COG2: variants seen among roughly 807,000 people sequenced by gnomAD.
The protein encoded by COG2 is conserved oligomeric Golgi complex subunit 2.
Under a neutral mutation model 90.6 loss-of-function variants are expected in COG2, and 52 were observed. The ratio of observed to expected loss-of-function variants is 0.57; its 90% CI spans 0.46 to 0.72. COG2 has a LOEUF of 0.72. COG2 is among the 30% of genes least tolerant of loss of function. The pLI is 0.00. For synonymous variants in COG2, 337 were observed against 320.4 expected, an observed-to-expected ratio of 1.05 and a Z score of -0.55; for missense variants, 829 against 891.2, an observed-to-expected ratio of 0.93 and a Z score of 0.89.
chr1:230,693,310 C>T lies in COG2; in HGVS notation c.2134C>T (p.Gln712Ter). ...TTTGCAGATACAAAAGTTGGGACTA[C>T]AAGCAAGTGACATAAAAAGCTTCTC... is the stretch of plus-strand genomic sequence containing the variant. ...LGEQIQKLGLQASDIKSFSAL... is the reference protein window; with the variant it reads ...LGEQIQKLGL Residue 712 changes from glutamine to a stop codon, truncating the protein, a stop_gained, in exon 18 of 18, where the codon CAA (glutamine) becomes TAA (stop). Coordinates refer to ENST00000366669, the MANE Select transcript of COG2 (RefSeq NM_007357.3). LOFTEE classifies it high-confidence loss of function. 6.2e-7 allele frequency: 1 copy of T among 1,612,876 alleles called. No homozygotes were observed. Among genetic ancestry groups the T allele is most frequent in the Non-Finnish European group, 8.5e-7 (1 of 1,179,074 alleles).
At chr1:230,682,618 G>C (rs899886235) in intron 10 of COG2, 1 of 152,224 alleles carries the variant, frequency 6.6e-6, no homozygotes, top group Non-Finnish European at 1.5e-5. Flanking sequence ...GTCTCAAGCT[G>C]TTCTTTTTAC....
At chr1:230,655,692 C>G (rs1662029833) in intron 1 of COG2, among the ~76,000 whole-genome samples, 1 of 152,172 alleles carries the variant, frequency 6.6e-6, no homozygotes, top group Non-Finnish European at 1.5e-5. Context: ...CCTCTTTGTA[C>G]CTCTGGTAGA....
At chr1:230,692,193 G>T (rs1363737291) in intron 17 of COG2, among the ~76,000 whole-genome samples, 2 of 151,850 alleles carry the variant, frequency 1.3e-5, no homozygotes, top group Non-Finnish European at 2.9e-5. Context: ...AAAACCTCTA[G>T]ATGTTCAGAA....
rs192012065 is a variant in COG2, at chr1:230,668,426, T to G, written c.486-250T>G. On this transcript the variant is annotated intron_variant, in intron 5 of 17. Transcript: ENST00000366669. The stretch of plus-strand genomic sequence containing the variant: ...CCCTGTGGGTCAAGGCCAGGCAGCA[T>G]CAGCAGCTTGTACTCAACAGATTCC... 1.1e-3 allele frequency among the ~76,000 whole-genome samples: 164 copies of G among 151,952 alleles called. 1 individual carries two copies. The highest frequency in any genetic ancestry group is 3.8e-3 in the African/African-American group (155 of 41,296).
intron 1 of COG2, among the ~76,000 whole-genome samples, chr1:230,650,279 A>C (rs1026017194): frequency 6.6e-6 from 1 of 152,124 alleles, no homozygotes; most frequent in Non-Finnish European, 1.5e-5. Flanking sequence ...GTTCTTTGAG[A>C]AGTCGCCATA....
In COG2 at chr1:230,693,334, T is replaced by C. The variant is rs1465474009; in HGVS notation, c.2158T>C (p.Ser720Pro). The change falls in exon 18 of 18, where the codon TCA becomes CCA. Residue 720 changes from serine to proline, a missense_variant. By Grantham distance (74) the Ser-to-Pro change is moderately conservative (BLOSUM62 -1). Coordinates refer to ENST00000366669, the MANE Select transcript of COG2 (RefSeq NM_007357.3). ...ACAAGCAAGTGACATAAAAAGCTTC[T>C]CAGCTCTCGCAGAGCTTGTTGCTGC... ...GLQASDIKSF[S>P]ALAELVAAAK... The C allele has an allele frequency of 6.2e-7, 1 of 1,613,878 alleles. No homozygotes were observed. The highest frequency in any genetic ancestry group is 1.1e-5 in the South Asian group (1 of 91,006).
At chr1:230,679,157 A>G (rs1204727259) in intron 10 of COG2, 105 bp downstream of exon 10, 1 of 1,132,342 alleles carries the variant, frequency 8.8e-7, no homozygotes, top group South Asian at 1.8e-5. Context: ...TCTGATCATC[A>G]TAATAAGCTT....
At chr1:230,677,950 C>G (rs1028440202) in intron 9 of COG2, 6 of 922,414 alleles carry the variant, frequency 6.5e-6, no homozygotes, top group Non-Finnish European at 7.8e-6. Context: ...CTCAACTCCA[C>G]ACACCTAGAC....
At chr1:230,642,893 T>G in intron 1 of COG2, 1 of 548,460 alleles carries the variant, frequency 1.8e-6, no homozygotes, top group African/African-American at 2.0e-5. Context: ...GCGTGTTACA[T>G]GGAAAGGCCT....
At chr1:230,688,276 T>C in intron 14 of COG2, 133 bp downstream of exon 14, 2 of 1,249,068 alleles carry the variant, frequency 1.6e-6, no homozygotes, top group Non-Finnish European at 2.2e-6. Context: ...TTCTGTATTA[T>C]AACTTACCTA....
At chr1:230,646,213 ACTTTCTCTCC>A (rs1363997534) in intron 1 of COG2, among the ~76,000 whole-genome samples, 34 of 152,046 alleles carry the variant, frequency 2.2e-4, no homozygotes, top group African/African-American at 8.0e-4. Flanking sequence ...TGTTGTCTTT[ACTTTCTCTCC>A]CTTCACTCTT....
intron 17 of COG2, among the ~76,000 whole-genome samples, chr1:230,692,861 T>A (rs1558282110): frequency 6.6e-6 from 1 of 152,218 alleles, no homozygotes; most frequent in East Asian, 1.9e-4. Context: ...TCCACGGTAG[T>A]TGCTTTGCCA....
At chr1:230,683,358 TA>T (rs1662800917) in intron 10 of COG2, 2 of 451,252 alleles carry the variant, frequency 4.4e-6, no homozygotes, top group Non-Finnish European at 7.7e-6. Context: ...CAGCTGCAAA[TA>T]ACAGAGAACC....
Position 230,687,000 on chromosome 1 carries a change from C to G in COG2, c.1446C>G (p.Ser482Arg), listed in dbSNP as rs1365267665. The G allele has an allele frequency of 6.8e-6, 11 of 1,608,752 alleles. No individual in the cohort carries two copies. Among genetic ancestry groups the G allele is most frequent in the Non-Finnish European group, 6.8e-6 (8 of 1,176,640 alleles). ...KEIKKPLVTG[S>R]KEPSITQGNT... The stretch of plus-strand genomic sequence containing the variant: ...TCAAGAAACCTTTGGTAACTGGTAG[C>G]AAAGAACCTTCCATCACCCAAGGAA... The change falls in exon 13 of 18, where the codon AGC (serine) becomes AGG (arginine). Residue 482 changes from serine to arginine, a missense_variant. Physicochemically the swap from Ser to Arg is moderately radical, Grantham distance 110. Coordinates refer to ENST00000366669, the MANE Select transcript of COG2 (RefSeq NM_007357.3).
intron 8 of COG2, among the ~76,000 whole-genome samples, chr1:230,674,678 C>A (rs1392705757): frequency 3.3e-5 from 5 of 151,980 alleles, no homozygotes; most frequent in Non-Finnish European, 7.4e-5. Flanking sequence ...CTTTTTGTTT[C>A]CAAGATAGGA....
At chr1:230,666,565 T>G (rs1662327484) in intron 5 of COG2, among the ~76,000 whole-genome samples, 1 of 152,232 alleles carries the variant, frequency 6.6e-6, no homozygotes, top group Non-Finnish European at 1.5e-5. Context: ...AAGGTAAATC[T>G]TAAACTCCCA....
Position 230,693,295 on chromosome 1 carries a change from C to A in COG2, c.2119C>A (p.Gln707Lys), listed in dbSNP as rs774819997. Reference protein sequence around the residue: ...LDVEYLGEQIQKLGLQASDIK... With the variant: ...LDVEYLGEQIKKLGLQASDIK... ...TTCATTCTCATGGCCTTTGCAGATACAAAAGTTGGGACTACAAGCAAGTGA... is the reference window on the plus strand; with the variant it reads ...TTCATTCTCATGGCCTTTGCAGATAAAAAAGTTGGGACTACAAGCAAGTGA... The change falls in exon 18 of 18, where the codon CAA becomes AAA. Residue 707 changes from glutamine (Q) to lysine (K), a missense_variant. Gln to Lys is a moderately conservative substitution (Grantham distance 53, BLOSUM62 1). Transcript: ENST00000366669. 8.1e-6 allele frequency: 13 copies of A among 1,605,254 alleles called. No individual in the cohort carries two copies. In the East Asian group the frequency reaches 2.7e-4, roughly 33 times the overall value.
At position 230,648,364 on chromosome 1, in the gene COG2, T is replaced by C. The variant is rs74565040; in HGVS notation, c.72+5686T>C. The stretch of plus-strand genomic sequence containing the variant: ...GCAACTAAAATGCTGACCTTACAGG[T>C]TCATGGTTTCATTTTTGGTCTTCAT... On this transcript the variant is annotated intron_variant, in intron 1 of 17. Transcript: ENST00000366669. Among the ~76,000 whole-genome samples, 1,001 of 152,342 alleles carry C rather than the reference T, an allele frequency of 6.6e-3. 10 individuals are homozygous for C. Among genetic ancestry groups the C allele is most frequent in the African/African-American group, 0.022 (927 of 41,574 alleles).
chr1:230,659,385 A>T (rs2102749209), intron 1 of COG2, 79 bp from the exon 2 acceptor site: 3 of 1,169,032 alleles, frequency 2.6e-6, no homozygotes, highest in Middle Eastern at 1.9e-4. Context: ...GGGCTTTCTT[A>T]CTCTTTCTTC....
Sources: allele counts gnomAD v4.1 joint callset (sites outside exome capture counted in the v4.1 genomes callset), GRCh38; gene constraint gnomAD v4.1.1; transcripts MANE v1.5; gene names NCBI Gene and HGNC (gene_info 2026-07-23, HGNC 2026-07-21).